ZC3H13: variants seen among roughly 807,000 people sequenced by gnomAD.
ZC3H13 encodes the protein zinc finger CCCH domain-containing protein 13.
In ZC3H13, 64 loss-of-function variants were observed where a neutral mutation model predicts 204.1. That is an observed-to-expected ratio of 0.31 (90% CI 0.26 to 0.39). The LOEUF (loss-of-function observed/expected upper bound fraction) is 0.39. Among genes scored for constraint, ZC3H13 ranks in the 10% least tolerant of loss-of-function variants. The pLI is 1.00. For missense variants in ZC3H13, 1,833 were observed against 2,082.7 expected (o/e 0.88, Z 2.33); for synonymous variants, 667 against 693.7 (o/e 0.96, Z 0.60).
intron 8 of ZC3H13, among the ~76,000 whole-genome samples, chr13:45,996,058 T>G (rs1225776785): frequency 3.3e-5 from 5 of 152,240 alleles, no homozygotes; most frequent in Admixed American, 2.0e-4. Flanking sequence ...CAGAATGAGC[T>G]ACATGCAATT....
intron 9 of ZC3H13, among the ~76,000 whole-genome samples, chr13:45,986,449 A>G (rs1379733904): frequency 7.2e-5 from 11 of 152,206 alleles, no homozygotes; most frequent in Non-Finnish European, 1.3e-4. Flanking sequence ...TGAACGAACA[A>G]AAAAGCATTT....
At chr13:46,041,795 G>GT (rs1012925198) in intron 4 of ZC3H13, among the ~76,000 whole-genome samples, 1 of 151,990 alleles carries the variant, frequency 6.6e-6, no homozygotes, top group African/African-American at 2.4e-5. Flanking sequence ...GTTTTCATTT[G>GT]TAAGTGTTCT....
At chr13:46,045,796 G>A (rs1262248978) in intron 1 of ZC3H13, among the ~76,000 whole-genome samples, 1 of 152,166 alleles carries the variant, frequency 6.6e-6, no homozygotes, top group Non-Finnish European at 1.5e-5. Flanking sequence ...CTCACACAGT[G>A]AAGTTTTCAT....
At position 45,967,692 on chromosome 13, in the gene ZC3H13, G is replaced by T. The variant is rs1458014246; in HGVS notation, c.4133C>A (p.Thr1378Asn). The T allele has an allele frequency of 1.9e-6, 3 of 1,613,922 alleles. No homozygotes were observed. The Admixed American group carries it at 5.0e-5, about 27-fold the overall frequency. Residue 1378 changes from threonine to asparagine, a missense_variant, in exon 15 of 19, where the codon ACT (threonine) becomes AAT (asparagine). Thr to Asn is a moderately conservative substitution (Grantham distance 65, BLOSUM62 0). Coordinates refer to ENST00000679008, the MANE Select transcript of ZC3H13 (RefSeq NM_001330564.2). ...AGACTCTATTTGAGAACTCTCAAAA[G>T]TTCTGTCTCTGTCTCTGTCCCTGTC... ...ERDRDRDRDRTFESSQIESVK... is the reference protein window; with the variant it reads ...ERDRDRDRDRNFESSQIESVK...
At chr13:46,030,876 C>T (rs1053531501) in intron 4 of ZC3H13, among the ~76,000 whole-genome samples, 1 of 152,060 alleles carries the variant, frequency 6.6e-6, no homozygotes, top group Non-Finnish European at 1.5e-5. Context: ...CAGTTCTTCC[C>T]AAATTAATAG....
At chr13:46,036,907 C>T (rs902177884) in intron 4 of ZC3H13, among the ~76,000 whole-genome samples, 2 of 151,788 alleles carry the variant, frequency 1.3e-5, no homozygotes, top group Admixed American at 6.6e-5. Context: ...TTAGTAGAGA[C>T]GGGGTTTTGC....
intron 10 of ZC3H13, among the ~76,000 whole-genome samples, chr13:45,984,251 CT>C (rs964749405): frequency 1.2e-4 from 18 of 152,190 alleles, no homozygotes; most frequent in Non-Finnish European, 2.4e-4. Context: ...TATATATTTG[CT>C]TGTGTAAAAT....
chr13:45,972,632 T>C (rs1307396094), intron 12 of ZC3H13, among the ~76,000 whole-genome samples: 2 of 152,132 alleles, frequency 1.3e-5, no homozygotes, highest in Non-Finnish European at 2.9e-5. Flanking sequence ...ACAGCTCCTT[T>C]ATATAGATGA....
At chr13:45,983,413 A>ATATATTT (rs1555277663) in intron 10 of ZC3H13, among the ~76,000 whole-genome samples, 1 of 31,134 alleles carries the variant, frequency 3.2e-5, no homozygotes, top group Non-Finnish European at 4.9e-5. Flanking sequence ...ATATATATAT[A>ATATATTT]TTTTTTTTTT....
At chr13:45,980,962 T>C (rs1044637650) in intron 10 of ZC3H13, among the ~76,000 whole-genome samples, 4 of 152,348 alleles carry the variant, frequency 2.6e-5, no homozygotes, top group Admixed American at 2.0e-4. Flanking sequence ...TTTGATACTA[T>C]GCTATAGATA....
intron 15 of ZC3H13, among the ~76,000 whole-genome samples, 194 bp from the exon 16 acceptor site, chr13:45,965,626 T>C (rs1034894389): frequency 1.1e-4 from 17 of 152,144 alleles, no homozygotes; most frequent in African/African-American, 4.1e-4. Flanking sequence ...TTAGTTAAAT[T>C]AAACTTTAAT....
At chr13:46,005,706 C>G (rs887048655) in intron 7 of ZC3H13, among the ~76,000 whole-genome samples, 1 of 152,154 alleles carries the variant, frequency 6.6e-6, no homozygotes, top group East Asian at 1.9e-4. Flanking sequence ...CCAGGCTGGT[C>G]TCAAACTCTT....
chr13:45,967,512 C>T lies in ZC3H13; in HGVS notation c.4313G>A (p.Ser1438Asn). 1 of 1,548,352 alleles carries T rather than the reference C, an allele frequency of 6.5e-7. No homozygotes were observed. Among genetic ancestry groups the T allele is most frequent in the East Asian group, 2.3e-5 (1 of 44,410 alleles). ...EETNKSERTE[S>N]LEAGDDESKL... ...ACAGAGGTAGCACTCACCTTCCAGA[C>T]TCTCAGTTCTCTCGGATTTATTTGT... Residue 1438 changes from serine (S) to asparagine (N), a missense_variant, in exon 15 of 19, where the codon AGT becomes AAT. Physicochemically the swap from Ser to Asn is conservative, Grantham distance 46. This residue lies in a region of ZC3H13 where 1,574 missense variants were observed against 1,757.2 expected (regional missense o/e 0.90). Coordinates refer to ENST00000679008, the MANE Select transcript of ZC3H13 (RefSeq NM_001330564.2).
chr13:45,967,063 A>C (rs981431246), intron 15 of ZC3H13, among the ~76,000 whole-genome samples: 2 of 151,676 alleles, frequency 1.3e-5, no homozygotes, highest in Non-Finnish European at 2.9e-5. Flanking sequence ...CATTAAATAC[A>C]GTTTTAGGTA....
At chr13:45,979,684 T>C in intron 11 of ZC3H13, 129 bp downstream of exon 11, 2 of 916,544 alleles carry the variant, frequency 2.2e-6, no homozygotes, top group Non-Finnish European at 3.2e-6. Flanking sequence ...TATATAATAG[T>C]TTCAAATGTG....
At position 45,992,511 on chromosome 13, in the gene ZC3H13, C is replaced by T. The variant is rs528183728; in HGVS notation, c.945-3414G>A. 6.6e-5 allele frequency among the ~76,000 whole-genome samples: 10 copies of T among 152,252 alleles called. No individual in the cohort carries two copies. The South Asian group carries it at 1.7e-3, about 25-fold the overall frequency. ...ATGTGTCAACTTAATCCATTTATGCCTAGTGTTCCATTATTGGAATACTAA... is the reference window on the plus strand; with the variant it reads ...ATGTGTCAACTTAATCCATTTATGCTTAGTGTTCCATTATTGGAATACTAA... On this transcript the variant is annotated intron_variant, in intron 8 of 18. Coordinates refer to ENST00000679008, the MANE Select transcript of ZC3H13 (RefSeq NM_001330564.2).
chr13:45,968,012 T>C lies in ZC3H13; in HGVS notation c.3813A>G (p.Arg1271=). 1 of 1,593,388 alleles carries C rather than the reference T, an allele frequency of 6.3e-7. No homozygotes were observed. Among genetic ancestry groups the C allele is most frequent in the Non-Finnish European group, 8.5e-7 (1 of 1,173,096 alleles). ...GAGAACTTCTTCTTGAACTATGGCT[T>C]CTTGAATCCTGGCGATCTAAAATAA... is the stretch of plus-strand genomic sequence containing the variant. ...RSTSSDRQDS[R]SHSSRRSSPE... is the part of the protein sequence containing the mutation. The change falls in exon 15 of 19, where the codon AGA becomes AGG. Residue 1271 remains arginine, a synonymous_variant. Coordinates refer to ENST00000679008, the MANE Select transcript of ZC3H13 (RefSeq NM_001330564.2).
chr13:45,968,661 C>T, intron 14 of ZC3H13, 87 bp downstream of exon 14: 1 of 1,469,374 alleles, frequency 6.8e-7, no homozygotes, highest in East Asian at 2.3e-5. Flanking sequence ...TGTAAAGTAA[C>T]CAATTTAGCA....
rs142845804 is a variant in ZC3H13, at chr13:45,996,694, C to T, written c.944+6445G>A. Among the ~76,000 whole-genome samples, 802 of 147,424 alleles carry T rather than the reference C, an allele frequency of 5.4e-3. 7 individuals carry two copies. Among genetic ancestry groups the T allele is most frequent in the African/African-American group, 0.019 (757 of 39,714 alleles). On this transcript the variant is annotated intron_variant, in intron 8 of 18. Coordinates refer to ENST00000679008, the MANE Select transcript of ZC3H13 (RefSeq NM_001330564.2). ...TGCAGTTCGAGTAACCCTTATTTTA[C>T]TTAATAATGACCCAAAGTGCAAAGA...
Sources: allele counts gnomAD v4.1 joint callset (sites outside exome capture counted in the v4.1 genomes callset), GRCh38; gene constraint gnomAD v4.1.1; regional missense constraint gnomAD v4.1.1; transcripts MANE v1.5; gene names NCBI Gene and HGNC (gene_info 2026-07-23, HGNC 2026-07-21).